Variants in GALNT10 observed in about 807,000 individuals in gnomAD.
The protein encoded by GALNT10 is GalNAc transferase 10.
A neutral mutation model predicts 75.0 loss-of-function variants in GALNT10; 41 were observed. That is an observed-to-expected ratio of 0.55 (90% CI 0.43 to 0.71). GALNT10 has a LOEUF of 0.71. GALNT10 is among the 30% of genes least tolerant of loss of function. GALNT10 has a pLI of 0.00. For synonymous variants in GALNT10, 302 were observed against 313.0 expected (o/e 0.96, Z 0.37); for missense variants, 727 against 818.5 (o/e 0.89, Z 1.36).
At chr5:154,247,780 T>A (rs1753452668) in intron 1 of GALNT10, among the ~76,000 whole-genome samples, 1 of 152,222 alleles carries the variant, frequency 6.6e-6, no homozygotes, top group South Asian at 2.1e-4. Context: ...TGACTTCCTC[T>A]TTTCCTAATT....
chr5:154,222,728 T>G (rs1753002955), intron 1 of GALNT10, among the ~76,000 whole-genome samples: 1 of 152,214 alleles, frequency 6.6e-6, no homozygotes, highest in South Asian at 2.1e-4. Flanking sequence ...CATCTCTTCA[T>G]GTGTTTATTG....
intron 3 of GALNT10, among the ~76,000 whole-genome samples, chr5:154,322,414 G>T (rs569803361): frequency 1.3e-3 from 196 of 152,158 alleles, no homozygotes; most frequent in African/African-American, 4.7e-3. Context: ...AGACAGAAAG[G>T]TTCTCTGCTT....
At chr5:154,254,160 GGT>G (rs1486215573) in intron 1 of GALNT10, among the ~76,000 whole-genome samples, 2 of 152,160 alleles carry the variant, frequency 1.3e-5, no homozygotes, top group African/African-American at 4.8e-5. Context: ...GAAGCCTCAT[GGT>G]TAGTAGTGGT....
chr5:154,386,559 C>G, intron 7 of GALNT10, 129 bp downstream of exon 7: 2 of 479,212 alleles, frequency 4.2e-6, no homozygotes, highest in Non-Finnish European at 8.1e-6. Flanking sequence ...TTCTGCCCAT[C>G]AGGTGAAGAA....
rs996974975 is a variant in GALNT10 at position 154,234,308 on chromosome 5, T to C, written c.159+43283T>C. 2.6e-5 allele frequency among the ~76,000 whole-genome samples: 4 copies of C among 152,222 alleles called. No homozygotes were observed. In the East Asian group the frequency reaches 7.7e-4, roughly 29 times the overall value. On this transcript the variant is annotated intron_variant, in intron 1 of 11. Coordinates refer to ENST00000297107, the MANE Select transcript of GALNT10 (RefSeq NM_198321.4). ...CTGCCCATGGTGGTGGCTTTGATTT[T>C]TCCTACCCAGGGTCTTAGTGGCAGG...
rs192346147 is a variant in GALNT10, at chr5:154,311,834, C to T, written c.401+13755C>T. 1.4e-3 allele frequency among the ~76,000 whole-genome samples: 211 copies of T among 152,226 alleles called. 1 individual carries two copies. The highest frequency in any genetic ancestry group is 2.6e-3 in the Non-Finnish European group (176 of 68,008). ...CCATGTTGGCCAGGCTGGTCTCAAA[C>T]TCCTGGCCTTGAGTTGATCTGCCCA... On this transcript the variant is annotated intron_variant, in intron 3 of 11. Coordinates refer to ENST00000297107, the MANE Select transcript of GALNT10 (RefSeq NM_198321.4).
intron 1 of GALNT10, among the ~76,000 whole-genome samples, chr5:154,277,189 GTC>G (rs1184019631): frequency 2.0e-5 from 3 of 151,894 alleles, no homozygotes; most frequent in Admixed American, 6.6e-5. Context: ...CTTGGCTGGG[GTC>G]TCTCATATCC....
chr5:154,352,922 A>G lies in GALNT10; in HGVS notation c.568+23184A>G, dbSNP rs1176945720. Among the ~76,000 whole-genome samples the G allele has an allele frequency of 1.3e-5, 2 of 152,078 alleles. No homozygotes were observed. Among genetic ancestry groups the G allele is most frequent in the African/African-American group, 2.4e-5 (1 of 41,396 alleles). Reference sequence around the variant, plus strand: ...ATGCAAACTTTTTACATAGAATGCAATTTCCTTCTGTCTCAAGCTCTGTGT... The same window carrying G: ...ATGCAAACTTTTTACATAGAATGCAGTTTCCTTCTGTCTCAAGCTCTGTGT... On this transcript the variant is annotated intron_variant, in intron 4 of 11. Transcript: ENST00000297107. The surrounding 1 kb of genome is among the most constrained non-coding windows in gnomAD (Gnocchi z 4.4).
rs549680781 is a variant in GALNT10, at chr5:154,239,365, T to G, written c.159+48340T>G. 4.3e-4 allele frequency among the ~76,000 whole-genome samples: 65 copies of G among 152,238 alleles called. 1 individual carries two copies. The South Asian group carries it at 0.012, about 27-fold the overall frequency. On this transcript the variant is annotated intron_variant, in intron 1 of 11. Transcript: ENST00000297107. ...CCCAACCCCCAGGCCACGGACTACC[T>G]TTCAGGAACTGGCTGGCACAGCAGG...
At chr5:154,354,311 C>T (rs1261263975) in intron 4 of GALNT10, among the ~76,000 whole-genome samples, 2 of 152,066 alleles carry the variant, frequency 1.3e-5, no homozygotes, top group African/African-American at 4.8e-5. Context: ...CCTGAGACAG[C>T]GATGGTGAGG....
intron 1 of GALNT10, among the ~76,000 whole-genome samples, chr5:154,207,090 T>C (rs537803557): frequency 1.3e-5 from 2 of 152,248 alleles, no homozygotes; most frequent in Non-Finnish European, 2.9e-5. Flanking sequence ...TTAAGCACTT[T>C]GCATACATTA....
intron 4 of GALNT10, among the ~76,000 whole-genome samples, chr5:154,373,353 A>G (rs1003273855): frequency 1.3e-5 from 2 of 152,200 alleles, no homozygotes; most frequent in African/African-American, 4.8e-5. Flanking sequence ...CTCTGGGTAG[A>G]ATGAAGGGAC....
At chr5:154,255,163 TG>T (rs774905370) in intron 1 of GALNT10, among the ~76,000 whole-genome samples, 5 of 152,150 alleles carry the variant, frequency 3.3e-5, no homozygotes, top group African/African-American at 4.8e-5. Flanking sequence ...CCCTAACTCC[TG>T]TCTCTAACCC....
intron 7 of GALNT10, chr5:154,403,751 T>A: frequency 3.1e-6 from 1 of 321,190 alleles, no homozygotes; most frequent in South Asian, 2.8e-5. Context: ...AAATTTTGGC[T>A]CCACCACTTA....
chr5:154,341,413 G>A (rs1259883870), intron 4 of GALNT10, among the ~76,000 whole-genome samples: 1 of 152,176 alleles, frequency 6.6e-6, no homozygotes, highest in African/African-American at 2.4e-5. Flanking sequence ...GCTTGTTAAT[G>A]AATGAGATTT....
Position 154,190,765 on chromosome 5 carries a change from C to G in GALNT10, c.-102C>G. 2.3e-6 allele frequency: 1 copy of G among 441,984 alleles called. No homozygotes were observed. The highest frequency in any genetic ancestry group is 3.0e-6 in the Non-Finnish European group (1 of 335,120). 27.4% of individuals were successfully genotyped at this position (441,984 alleles called of 1,614,324 possible). A position where few individuals can be genotyped will look rare whatever the true frequency, so the allele number is the denominator to read the frequency against. On this transcript the variant is annotated 5_prime_UTR_variant, in exon 1 of 12. Coordinates refer to ENST00000297107, the MANE Select transcript of GALNT10 (RefSeq NM_198321.4). The stretch of plus-strand genomic sequence containing the variant: ...AGCGGGGCCGGCGCCGCAGCCGCTT[C>G]TGCTGGCTGAGCTGCTGCCGCCGCC...
intron 7 of GALNT10, among the ~76,000 whole-genome samples, chr5:154,393,765 G>C (rs1489492460): frequency 6.6e-6 from 1 of 152,014 alleles, no homozygotes; most frequent in Non-Finnish European, 1.5e-5. Context: ...GATTCCTTTA[G>C]CCTGGAGGTC....
intron 3 of GALNT10, among the ~76,000 whole-genome samples, chr5:154,324,028 A>G (rs1249027575): frequency 6.6e-6 from 1 of 152,222 alleles, no homozygotes; most frequent in African/African-American, 2.4e-5. Flanking sequence ...TGGTCTGTGA[A>G]TGTCAGCCTC....
chr5:154,409,846 G>A lies in GALNT10; in HGVS notation c.1386+84G>A, dbSNP rs1337326182. The A allele has an allele frequency of 4.4e-6, 4 of 914,602 alleles. No individual in the cohort carries two copies. In the African/African-American group the frequency reaches 6.5e-5, roughly 15 times the overall value. 56.7% of individuals were successfully genotyped at this position (914,602 alleles called of 1,614,324 possible). On this transcript the variant is annotated intron_variant, in intron 9 of 11. Coordinates refer to ENST00000297107, the MANE Select transcript of GALNT10 (RefSeq NM_198321.4). The surrounding 1 kb of genome is among the most constrained non-coding windows in gnomAD (Gnocchi z 4.5). ...AGATCCCATGTTCAAAAGGTAGAAA[G>A]TCAGTGCAGGGAGGAAAGGCGTGAA...
Sources: allele counts gnomAD v4.1 joint callset (sites outside exome capture counted in the v4.1 genomes callset), GRCh38; gene constraint gnomAD v4.1.1; non-coding constraint Gnocchi (gnomAD v3.1); transcripts MANE v1.5; gene names NCBI Gene and HGNC (gene_info 2026-07-23, HGNC 2026-07-21).